The following SDK1 variants were observed in gnomAD, a reference collection of about 807,000 sequenced individuals.
SDK1 encodes protein sidekick-1.
A neutral mutation model predicts 245.5 loss-of-function variants in SDK1; 157 were observed. The observed-to-expected ratio is 0.64, with a 90% CI of 0.56 to 0.73. SDK1 has a LOEUF of 0.73. Among genes scored for constraint, SDK1 ranks in the 30% least tolerant of loss-of-function variants. The pLI is 0.00. For missense variants in SDK1, 3,583 were observed against 3,002.3 expected, an observed-to-expected ratio of 1.19 and a Z score of -4.52; for synonymous variants, 1,647 against 1,278.5, an observed-to-expected ratio of 1.29 and a Z score of -6.15.
chr7:3,494,401 T>G (rs1457733168), intron 1 of SDK1, among the ~76,000 whole-genome samples: 1 of 152,166 alleles, frequency 6.6e-6, no homozygotes, highest in Non-Finnish European at 1.5e-5. Context: ...AACTCTGCAG[T>G]GTAACAGCGC....
intron 2 of SDK1, among the ~76,000 whole-genome samples, chr7:3,629,946 C>G (rs1380962388): frequency 6.6e-6 from 1 of 151,886 alleles, no homozygotes; most frequent in East Asian, 1.9e-4. Context: ...ACGAAAAACA[C>G]AAAAAAGGCA....
intron 17 of SDK1, among the ~76,000 whole-genome samples, chr7:4,033,727 C>T (rs568345072): frequency 6.6e-6 from 1 of 152,134 alleles, no homozygotes; most frequent in South Asian, 2.1e-4. Context: ...ATCAAGGTAA[C>T]ACATAAAAAG....
intron 4 of SDK1, among the ~76,000 whole-genome samples, chr7:3,678,117 A>G (rs1783967372): frequency 6.6e-6 from 1 of 152,218 alleles, no homozygotes; most frequent in South Asian, 2.1e-4. Context: ...GCTAATATAA[A>G]AAGTAGAAAA....
chr7:3,476,051 C>T (rs1781339176), intron 1 of SDK1: 1 of 152,586 alleles, frequency 6.6e-6, no homozygotes, highest in Non-Finnish European at 1.5e-5. Flanking sequence ...ATTTTTAAAA[C>T]CCATATTTTA....
At chr7:3,406,369 A>G (rs574305458) in intron 1 of SDK1, among the ~76,000 whole-genome samples, 3 of 152,130 alleles carry the variant, frequency 2.0e-5, no homozygotes, top group Non-Finnish European at 4.4e-5. Context: ...TTAAGTAACA[A>G]ATGTGTTTCT....
intron 5 of SDK1, among the ~76,000 whole-genome samples, chr7:3,924,165 G>C (rs1231843300): frequency 3.3e-5 from 5 of 152,006 alleles, no homozygotes; most frequent in African/African-American, 1.2e-4. Context: ...ATCCAGGTGG[G>C]GATGAGGAGG....
At chr7:3,539,928 G>A (rs1017092147) in intron 1 of SDK1, among the ~76,000 whole-genome samples, 7 of 152,224 alleles carry the variant, frequency 4.6e-5, no homozygotes, top group Admixed American at 3.9e-4. Flanking sequence ...GCTGTTGCCA[G>A]CTGCAGCCAG....
intron 25 of SDK1, among the ~76,000 whole-genome samples, chr7:4,118,294 T>C (rs1467762558): frequency 1.3e-5 from 2 of 152,104 alleles, no homozygotes; most frequent in Non-Finnish European, 2.9e-5. Flanking sequence ...CCCAAGGAGA[T>C]TTACAAATGG....
At chr7:3,473,338 G>T (rs915529481) in intron 1 of SDK1, among the ~76,000 whole-genome samples, 1 of 152,212 alleles carries the variant, frequency 6.6e-6, no homozygotes, top group African/African-American at 2.4e-5. Flanking sequence ...AGAAAACAAG[G>T]AGTGAAGTTG....
intron 44 of SDK1, among the ~76,000 whole-genome samples, chr7:4,252,023 C>A (rs536689528): frequency 6.6e-6 from 1 of 152,312 alleles, no homozygotes; most frequent in South Asian, 2.1e-4. Flanking sequence ...TGCATTCCTG[C>A]AATAAATGCC....
At position 3,789,230 on chromosome 7, in the gene SDK1, C is replaced by T. The variant is rs917414317; in HGVS notation, c.714-32220C>T. 7.9e-5 allele frequency among the ~76,000 whole-genome samples: 12 copies of T among 152,308 alleles called. No homozygotes were observed. In the South Asian group the frequency reaches 1.2e-3, roughly 16 times the overall value. On this transcript the variant is annotated intron_variant, in intron 4 of 44. Coordinates refer to ENST00000404826, the MANE Select transcript of SDK1 (RefSeq NM_152744.4). ...TGGCATGATCTCAGCTCACCGCAAC[C>T]TCCACCTCCCAGGTTCAAGCGATTC...
intron 30 of SDK1, among the ~76,000 whole-genome samples, chr7:4,150,853 C>T (rs1021832415): frequency 3.3e-5 from 5 of 152,230 alleles, no homozygotes; most frequent in African/African-American, 4.8e-5. Context: ...AGGCCCATGA[C>T]AGAGGCGAAG....
Position 4,267,138 on chromosome 7 carries a change from C to T in SDK1, c.*1754C>T. 1 of 985,314 alleles carries T rather than the reference C, an allele frequency of 1.0e-6. No individual in the cohort carries two copies. Among genetic ancestry groups the T allele is most frequent in the African/African-American group, 1.7e-5 (1 of 57,300 alleles). The allele number at this position is 985,314 out of a possible 1,614,324, so 61.0% of individuals were successfully genotyped here. A position where few individuals can be genotyped will look rare whatever the true frequency, so the allele number is the denominator to read the frequency against. ...CTGGAAAACCCCTTTTCAGTCTTTC[C>T]AAAATTAGAGGGTATGGCAAGTTTC... On this transcript the variant is annotated 3_prime_UTR_variant, in exon 45 of 45. Coordinates refer to ENST00000404826, the MANE Select transcript of SDK1 (RefSeq NM_152744.4).
chr7:3,988,974 C>G (rs1784082474), intron 14 of SDK1, among the ~76,000 whole-genome samples: 1 of 152,190 alleles, frequency 6.6e-6, no homozygotes, highest in Non-Finnish European at 1.5e-5. Context: ...CCAGGCTGGT[C>G]TCAAACTCCT....
In SDK1 at chr7:4,132,395, T is replaced by G. The variant is rs764299900; in HGVS notation, c.4200T>G (p.Pro1400=). ...RLTSVRIVWQ[P]PEEPNGIILG... is the part of the protein sequence containing the mutation. ...CCTCCGTGCGGATAGTGTGGCAACC[T>G]CCGGAGGAGCCCAACGGCATCATCC... Residue 1400 remains proline, a synonymous_variant, in exon 28 of 45, where the codon CCT becomes CCG. Transcript: ENST00000404826. 1.8e-5 allele frequency: 29 copies of G among 1,612,238 alleles called. No individual in the cohort carries two copies. The highest frequency in any genetic ancestry group is 2.4e-5 in the Non-Finnish European group (28 of 1,179,148).
At chr7:4,220,386 C>A in intron 39 of SDK1, 116 bp downstream of exon 39, 6 of 1,124,312 alleles carry the variant, frequency 5.3e-6, no homozygotes, top group South Asian at 4.6e-5. Context: ...CGGCCAAGAG[C>A]TGGCATCAAC....
chr7:3,550,607 T>C (rs1408888410), intron 1 of SDK1, among the ~76,000 whole-genome samples: 1 of 152,218 alleles, frequency 6.6e-6, no homozygotes, highest in Non-Finnish European at 1.5e-5. Context: ...GCTGAACTTT[T>C]AGAGCATGTA....
intron 1 of SDK1, among the ~76,000 whole-genome samples, chr7:3,498,273 C>G (rs1782085824): frequency 6.6e-6 from 1 of 152,102 alleles, no homozygotes; most frequent in Non-Finnish European, 1.5e-5. Flanking sequence ...GATTTTATCT[C>G]TTCTTAGATT....
intron 1 of SDK1, among the ~76,000 whole-genome samples, chr7:3,439,411 G>A (rs1263436400): frequency 6.6e-6 from 1 of 152,134 alleles, no homozygotes; most frequent in African/African-American, 2.4e-5. Context: ...CTCCTTACAA[G>A]CCTCTAGAGC....
Sources: allele counts gnomAD v4.1 joint callset (sites outside exome capture counted in the v4.1 genomes callset), GRCh38; gene constraint gnomAD v4.1.1; transcripts MANE v1.5; gene names NCBI Gene and HGNC (gene_info 2026-07-23, HGNC 2026-07-21).